Variants in MYO18A observed in about 807,000 individuals in gnomAD.
MYO18A encodes myosin XVIIIA.
MYO18A carries 78 observed loss-of-function variants against 235.8 expected under a neutral mutation model. That is an observed-to-expected ratio of 0.33 (90% CI 0.28 to 0.40). The LOEUF (loss-of-function observed/expected upper bound fraction) is 0.40. Ranked by LOEUF, MYO18A falls within the 10% of genes least tolerant of loss-of-function variation. The probability of loss-of-function intolerance (pLI) is 1.00; values close to 1 mark genes in which losing one functional copy is unlikely to be tolerated. For missense variants in MYO18A, 2,215 were observed against 2,699.3 expected (o/e 0.82, Z 3.98); for synonymous variants, 977 against 1,077.8 (o/e 0.91, Z 1.83).
At chr17:29,127,804 G>T (rs994288573) in intron 2 of MYO18A, 1 of 965,414 alleles carries the variant, frequency 1.0e-6, no homozygotes. Context: ...CCTGGCCCTT[G>T]AGCTAGGGTG....
chr17:29,086,797 AT>A, intron 38 of MYO18A, 138 bp downstream of exon 38: 1 of 1,191,218 alleles, frequency 8.4e-7, no homozygotes, highest in Non-Finnish European at 1.2e-6. Flanking sequence ...CCCTCTTGAT[AT>A]GCTCCTCCTC....
chr17:29,165,728 T>C (rs1324099242), intron 2 of MYO18A, among the ~76,000 whole-genome samples: 5 of 152,182 alleles, frequency 3.3e-5, no homozygotes, highest in Non-Finnish European at 5.9e-5. Flanking sequence ...GTGGGGGTGC[T>C]GTTTGTAGGG....
chr17:29,171,124 C>T (rs1436094814), intron 1 of MYO18A, among the ~76,000 whole-genome samples: 1 of 152,152 alleles, frequency 6.6e-6, no homozygotes, highest in African/African-American at 2.4e-5. Context: ...TAAGTATATG[C>T]ACTTGTCAAG....
rs903696583 is a variant in MYO18A at position 29,167,117 on chromosome 17, G to C, written c.-81-96C>G. On this transcript the variant is annotated intron_variant, in intron 1 of 41. Coordinates refer to ENST00000527372, the MANE Select transcript of MYO18A (RefSeq NM_078471.4). ...CCAAATGATACAGCTACTCCTCACT[G>C]GGTGCTAGCTATGTGCCAGGCACTC... 3.5e-6 allele frequency: 3 copies of C among 846,126 alleles called. No individual in the cohort carries two copies. In the African/African-American group the frequency reaches 5.1e-5, roughly 14 times the overall value. The allele number at this position is 846,126 out of a possible 1,614,324, so 52.4% of individuals were successfully genotyped here. A position where few individuals can be genotyped will look rare whatever the true frequency, so the allele number is the denominator to read the frequency against.
At position 29,118,579 on chromosome 17, in the gene MYO18A, G is replaced by T. The variant is rs1021466241; in HGVS notation, c.1830-139C>A. ...TCATCCCATCATCCCCAACTGGCGG[G>T]CCAGCTGTCACTGCTTTCCTAACTG... On this transcript the variant is annotated intron_variant, in intron 8 of 41. Coordinates refer to ENST00000527372, the MANE Select transcript of MYO18A (RefSeq NM_078471.4). The surrounding 1 kb of genome is among the most constrained non-coding windows in gnomAD (Gnocchi z 4.2). 4.0e-6 allele frequency: 3 copies of T among 746,262 alleles called. No individual in the cohort carries two copies. Among genetic ancestry groups the T allele is most frequent in the Non-Finnish European group, 6.7e-6 (3 of 447,744 alleles). The allele number at this position is 746,262 out of a possible 1,614,324, so 46.2% of individuals were successfully genotyped here.
Position 29,120,850 on chromosome 17 carries a change from C to A in MYO18A, c.1586-92G>T. On this transcript the variant is annotated intron_variant, in intron 6 of 41. Transcript: ENST00000527372. This position sits in a 1 kb window ranked among gnomAD's most constrained non-coding sequence, Gnocchi z 4.2. ...ACCCCAGAGGTATGAAGGCTTGGGG[C>A]CATTCAGACCAGAACTGCCCGTGGA... The A allele has an allele frequency of 1.9e-6, 3 of 1,562,756 alleles. No individual in the cohort carries two copies. The highest frequency in any genetic ancestry group is 2.6e-6 in the Non-Finnish European group (3 of 1,149,616).
chr17:29,086,674 G>A, intron 38 of MYO18A, 97 bp from the exon 39 acceptor site: 4 of 1,461,258 alleles, frequency 2.7e-6, no homozygotes, highest in Non-Finnish European at 3.7e-6. Flanking sequence ...TCATGGGGGT[G>A]CTACCTGAGG....
chr17:29,116,357 G>A lies in MYO18A; in HGVS notation c.2050+87C>T, dbSNP rs972206254. On this transcript the variant is annotated intron_variant, in intron 11 of 41. Coordinates refer to ENST00000527372, the MANE Select transcript of MYO18A (RefSeq NM_078471.4). ...GAGGCAAAAAAGCCACAGGGGAAAG[G>A]GAACAGCCCGCACAGACATATGTGC... 9.8e-5 allele frequency: 152 copies of A among 1,550,596 alleles called. 2 individuals carry two copies. In the East Asian group the frequency reaches 2.0e-3, roughly 20 times the overall value.
At position 29,140,086 on chromosome 17, in the gene MYO18A, A is replaced by C. The variant is rs1042475431; in HGVS notation, c.1000-17833T>G. Among the ~76,000 whole-genome samples the C allele has an allele frequency of 1.3e-5, 2 of 152,158 alleles. No homozygotes were observed. Among genetic ancestry groups the C allele is most frequent in the Non-Finnish European group, 2.9e-5 (2 of 68,018 alleles). ...GAGGTTCAGAAGACAGTGCCCCTCC[A>C]AAACTCCTGAAGTCATGAGTCAGGC... On this transcript the variant is annotated intron_variant, in intron 2 of 41. Coordinates refer to ENST00000527372, the MANE Select transcript of MYO18A (RefSeq NM_078471.4). The surrounding 1 kb of genome is among the most constrained non-coding windows in gnomAD (Gnocchi z 4.2).
chr17:29,124,859 A>G (rs1321402703), intron 2 of MYO18A, among the ~76,000 whole-genome samples: 1 of 152,148 alleles, frequency 6.6e-6, no homozygotes, highest in Admixed American at 6.5e-5. Flanking sequence ...ACCTGGCCTG[A>G]GCAGGTGAAC....
Position 29,125,879 on chromosome 17 carries a change from A to T in MYO18A, c.1000-3626T>A, listed in dbSNP as rs2067308744. ...CGGCCAGGGACTGGGACCCACACACAAGAGTGGCATTACAGAAGCTGTGAA... is the reference window on the plus strand; with the variant it reads ...CGGCCAGGGACTGGGACCCACACACTAGAGTGGCATTACAGAAGCTGTGAA... On this transcript the variant is annotated intron_variant, in intron 2 of 41. Transcript: ENST00000527372. This position sits in a 1 kb window ranked among gnomAD's most constrained non-coding sequence, Gnocchi z 5.1. 1 of 985,084 alleles carries T rather than the reference A, an allele frequency of 1.0e-6. No individual in the cohort carries two copies. Among genetic ancestry groups the T allele is most frequent in the Non-Finnish European group, 1.2e-6 (1 of 829,338 alleles). 61.0% of individuals were successfully genotyped at this position (985,084 alleles called of 1,614,324 possible).
At chr17:29,152,926 G>A (rs982348775) in intron 2 of MYO18A, among the ~76,000 whole-genome samples, 6 of 152,016 alleles carry the variant, frequency 3.9e-5, no homozygotes, top group Non-Finnish European at 1.5e-5. Context: ...TCTTTCGCAG[G>A]CTGGTCTTGA....
At chr17:29,103,713 C>T (rs759658761) in intron 20 of MYO18A, 49 bp from the exon 21 acceptor site, 2 of 1,586,508 alleles carry the variant, frequency 1.3e-6, no homozygotes, top group Non-Finnish European at 1.7e-6. Flanking sequence ...CTCCCCTCAC[C>T]ATGCAGGGCT....
chr17:29,156,513 G>A (rs180687951), intron 2 of MYO18A, among the ~76,000 whole-genome samples: 2 of 152,322 alleles, frequency 1.3e-5, no homozygotes, highest in Non-Finnish European at 2.9e-5. Flanking sequence ...GACACGCTAA[G>A]GTCCTAGAGA....
At chr17:29,124,572 G>C (rs935018281) in intron 2 of MYO18A, 1 of 1,099,874 alleles carries the variant, frequency 9.1e-7, no homozygotes, top group Non-Finnish European at 1.2e-6. Flanking sequence ...GAGCACAGAC[G>C]CCAGCCCAGG....
chr17:29,146,183 G>A (rs529056642), intron 2 of MYO18A, among the ~76,000 whole-genome samples: 4 of 152,110 alleles, frequency 2.6e-5, no homozygotes, highest in African/African-American at 4.8e-5. Context: ...ACTTGAACCC[G>A]GGAGGCAGAG....
intron 21 of MYO18A, among the ~76,000 whole-genome samples, chr17:29,101,935 C>T (rs1051625304): frequency 4.6e-5 from 7 of 152,134 alleles, no homozygotes; most frequent in African/African-American, 1.7e-4. Flanking sequence ...TCAGGAGGCT[C>T]TGAGCCCCCC....
chr17:29,114,513 C>T (rs748071739), intron 14 of MYO18A, among the ~76,000 whole-genome samples: 1 of 152,192 alleles, frequency 6.6e-6, no homozygotes, highest in Non-Finnish European at 1.5e-5. Context: ...TCGTCCCATC[C>T]GGGACACCCT....
At position 29,096,775 on chromosome 17, in the gene MYO18A, C is replaced by T. The variant is rs1304883462; in HGVS notation, c.4371G>A (p.Glu1457=). 6.2e-7 allele frequency: 1 copy of T among 1,604,954 alleles called. No homozygotes were observed. Among genetic ancestry groups the T allele is most frequent in the Non-Finnish European group, 8.5e-7 (1 of 1,175,510 alleles). Residue 1457 remains glutamate, a synonymous_variant, in exon 28 of 42, where the codon GAG becomes GAA. Transcript: ENST00000527372. ...GGCCCACCCACCTCCTCTGCTTCTT[C>T]TCCAGTTCGTGGTTGCGGACCTGCT... is the stretch of plus-strand genomic sequence containing the variant. ...EGQQVRNHEL[E]KKQRRFDSEL...
Sources: gnomAD v4.1 joint callset for allele counts (sites outside exome capture counted in the v4.1 genomes callset) on GRCh38, gnomAD v4.1.1 for gene constraint, Gnocchi (gnomAD v3.1) non-coding constraint, MANE v1.5 for transcripts, NCBI Gene and HGNC (gene_info 2026-07-23, HGNC 2026-07-21) for gene names.